ELP3: variants seen among roughly 807,000 people sequenced by gnomAD.
ELP3 encodes elongator complex protein 3.
ELP3 carries 56 observed loss-of-function variants against 74.9 expected under a neutral mutation model. That is an observed-to-expected ratio of 0.75 (90% CI 0.60 to 0.93). ELP3 has a LOEUF of 0.93. Among genes scored for constraint, ELP3 ranks in the 40% least tolerant of loss-of-function variants. The pLI, the probability that ELP3 is intolerant of heterozygous loss-of-function variation, is 0.00. For missense variants in ELP3, 573 were observed against 686.5 expected (o/e 0.83, Z 1.85); for synonymous variants, 222 against 239.8 (o/e 0.93, Z 0.68).
rs1812632781 is a variant in ELP3, at chr8:28,127,662, G to A, written c.618-1840G>A. Reference sequence around the variant, plus strand: ...TGCCTTAGTACCCACCTGTTTAAGAGGCACAGGACCTGATGATTCTATTGT... The same window carrying A: ...TGCCTTAGTACCCACCTGTTTAAGAAGCACAGGACCTGATGATTCTATTGT... On this transcript the variant is annotated intron_variant, in intron 7 of 14. Coordinates refer to ENST00000256398, the MANE Select transcript of ELP3 (RefSeq NM_018091.6). Among the ~76,000 whole-genome samples the A allele has an allele frequency of 2.0e-5, 3 of 152,196 alleles. No homozygotes were observed. The South Asian group carries it at 6.2e-4, about 32-fold the overall frequency.
At chr8:28,123,029 C>T (rs1174477343) in intron 7 of ELP3, among the ~76,000 whole-genome samples, 1 of 152,204 alleles carries the variant, frequency 6.6e-6, no homozygotes, top group Non-Finnish European at 1.5e-5. Flanking sequence ...GAAGCTGAGG[C>T]AGGAGAATCG....
At chr8:28,184,071 C>G (rs1218831363) in intron 14 of ELP3, among the ~76,000 whole-genome samples, 1 of 152,224 alleles carries the variant, frequency 6.6e-6, no homozygotes, top group African/African-American at 2.4e-5. Flanking sequence ...GGGATCAGAG[C>G]AGAGCAAGGC....
intron 6 of ELP3, 121 bp from the exon 7 acceptor site, chr8:28,112,898 C>T: frequency 1.1e-6 from 1 of 870,518 alleles, no homozygotes; most frequent in Non-Finnish European, 1.6e-6. Context: ...AAGTGTGTTT[C>T]ATTACTTCTG....
intron 6 of ELP3, 136 bp downstream of exon 6, chr8:28,110,574 T>G: frequency 1.4e-6 from 1 of 709,562 alleles, no homozygotes; most frequent in South Asian, 2.0e-5. Flanking sequence ...TCAATATCCA[T>G]TTGAGGGAGG....
chr8:28,158,469 G>A (rs1813928668), intron 11 of ELP3, 99 bp from the exon 12 acceptor site: 1 of 842,444 alleles, frequency 1.2e-6, no homozygotes, highest in Non-Finnish European at 2.0e-6. Flanking sequence ...AGGGTTTGGT[G>A]GAGAGGTTTA....
chr8:28,110,747 G>A, intron 6 of ELP3: 1 of 261,162 alleles, frequency 3.8e-6, no homozygotes, highest in Non-Finnish European at 7.2e-6. Context: ...TAGACAATGG[G>A]TGGGTGTGTT....
chr8:28,154,607 T>G (rs1813759578), intron 10 of ELP3, among the ~76,000 whole-genome samples: 1 of 152,182 alleles, frequency 6.6e-6, no homozygotes. Flanking sequence ...TTAGAAGACT[T>G]TGGCTTGTAC....
intron 11 of ELP3, among the ~76,000 whole-genome samples, 161 bp downstream of exon 11, chr8:28,156,193 G>A (rs1444780656): frequency 2.6e-5 from 4 of 152,204 alleles, no homozygotes; most frequent in Admixed American, 2.6e-4. Context: ...CGGAGCTGAA[G>A]CCAGTGGTGC....
rs1422272719 is a variant in ELP3 at position 28,168,843 on chromosome 8, G to A, written c.1567+6765G>A. On this transcript the variant is annotated intron_variant, in intron 14 of 14. Transcript: ENST00000256398. ...CTTTTCTATTTTAGATCTGTTAGAG[G>A]CAGAGATTTGGCAGGTTATTCTTTG... 2.6e-5 allele frequency among the ~76,000 whole-genome samples: 4 copies of A among 152,172 alleles called. No individual in the cohort carries two copies. In the East Asian group the frequency reaches 7.7e-4, roughly 29 times the overall value.
intron 7 of ELP3, chr8:28,113,762 CAAGAG>C (rs1306006899): frequency 2.0e-5 from 3 of 152,062 alleles, no homozygotes; most frequent in Non-Finnish European, 4.4e-5. Context: ...CGGCAAAAGA[CAAGAG>C]AAACAAAAAG....
At chr8:28,097,990 G>A (rs538063590) in intron 2 of ELP3, among the ~76,000 whole-genome samples, 25 of 152,258 alleles carry the variant, frequency 1.6e-4, no homozygotes, top group African/African-American at 5.8e-4. Context: ...CTTCTGTGCT[G>A]CATCGCTGCA....
intron 9 of ELP3, among the ~76,000 whole-genome samples, chr8:28,134,346 T>G (rs1246280303): frequency 6.6e-6 from 1 of 152,210 alleles, no homozygotes; most frequent in African/African-American, 2.4e-5. Flanking sequence ...GTAATAACAT[T>G]GCAAGGACAA....
At chr8:28,102,317 C>T (rs1811521385) in intron 3 of ELP3, among the ~76,000 whole-genome samples, 1 of 152,216 alleles carries the variant, frequency 6.6e-6, no homozygotes, top group Non-Finnish European at 1.5e-5. Context: ...CATGTTAGTT[C>T]ATGGTACCAC....
At position 28,137,836 on chromosome 8, in the gene ELP3, G is replaced by A; in HGVS notation, c.1045G>A (p.Val349Met). 1 of 1,614,016 alleles carries A rather than the reference G, an allele frequency of 6.2e-7. No homozygotes were observed. The highest frequency in any genetic ancestry group is 8.5e-7 in the Non-Finnish European group (1 of 1,179,986). ...CTCTCCTAGTGACCTGGTTGAATTG[G>A]TGGCTCGGATCCTAGCCCTCGTGCC... ...SYSPSDLVEL[V>M]ARILALVPPW... The change falls in exon 10 of 15, where the codon GTG (valine) becomes ATG (methionine). Residue 349 changes from valine (V) to methionine (M), a missense_variant. Transcript: ENST00000256398.
Position 28,137,807 on chromosome 8 carries a change from G to A in ELP3, c.1016G>A (p.Ser339Asn). ...YELWKSGRYK[S>N]YSPSDLVELV... ...CTTTGGAAATCAGGAAGATATAAGA[G>A]TTACTCTCCTAGTGACCTGGTTGAA... Residue 339 changes from serine to asparagine, a missense_variant, in exon 10 of 15, where the codon AGT becomes AAT. Physicochemically the swap from Ser to Asn is conservative, Grantham distance 46. Coordinates refer to ENST00000256398, the MANE Select transcript of ELP3 (RefSeq NM_018091.6). The A allele has an allele frequency of 6.2e-7, 1 of 1,614,126 alleles. No individual in the cohort carries two copies. The highest frequency in any genetic ancestry group is 8.5e-7 in the Non-Finnish European group (1 of 1,179,998).
intron 10 of ELP3, among the ~76,000 whole-genome samples, chr8:28,152,139 A>G (rs1215911379): frequency 6.6e-6 from 1 of 152,062 alleles, no homozygotes; most frequent in African/African-American, 2.4e-5. Flanking sequence ...CTGTCTCTCC[A>G]GCCCCGGGGC....
intron 7 of ELP3, among the ~76,000 whole-genome samples, chr8:28,125,816 G>A (rs916247163): frequency 1.5e-4 from 18 of 118,584 alleles, no homozygotes; most frequent in Non-Finnish European, 2.8e-4. Context: ...AGATTGTTAA[G>A]CATGTCTGGG....
chr8:28,161,091 CA>C (rs1814066474), intron 13 of ELP3, among the ~76,000 whole-genome samples: 1 of 152,192 alleles, frequency 6.6e-6, no homozygotes, highest in African/African-American at 2.4e-5. Context: ...AATGGGAAAG[CA>C]CTTATGAAAC....
intron 14 of ELP3, among the ~76,000 whole-genome samples, chr8:28,177,253 A>T (rs1814795324): frequency 6.6e-6 from 1 of 152,200 alleles, no homozygotes; most frequent in African/African-American, 2.4e-5. Context: ...TGGGGAAAAA[A>T]TTCTGAAAGG....
Sources: allele counts gnomAD v4.1 joint callset (sites outside exome capture counted in the v4.1 genomes callset), GRCh38; gene constraint gnomAD v4.1.1; transcripts MANE v1.5; gene names NCBI Gene and HGNC (gene_info 2026-07-23, HGNC 2026-07-21).